The following SNX14 variants were observed in gnomAD, a reference collection of about 807,000 sequenced individuals.
The protein encoded by SNX14 is sorting nexin 14, also known as sorting nexin-14.
In SNX14, 93 loss-of-function variants were observed where a neutral mutation model predicts 133.8. The ratio of observed to expected loss-of-function variants is 0.70; its 90% CI spans 0.59 to 0.83. SNX14 has a LOEUF of 0.83. Ranked by LOEUF, SNX14 falls within the 40% of genes least tolerant of loss-of-function variation. The pLI is 0.00. For synonymous variants in SNX14, 368 were observed against 365.6 expected, an observed-to-expected ratio of 1.01 and a Z score of -0.07; for missense variants, 945 against 1,094.9, an observed-to-expected ratio of 0.86 and a Z score of 1.93.
chr6:85,508,365 ATTG>A (rs1450076715), intron 26 of SNX14: 8 of 1,039,776 alleles, frequency 7.7e-6, no homozygotes, highest in Non-Finnish European at 8.1e-6. Context: ...AATAATACTT[ATTG>A]TATTACCCCA....
chr6:85,509,358 T>C (rs1158634425), intron 26 of SNX14, among the ~76,000 whole-genome samples: 1 of 152,192 alleles, frequency 6.6e-6, no homozygotes, highest in Admixed American at 6.5e-5. Context: ...ATTTCATCAT[T>C]TGCCTACAGA....
intron 1 of SNX14, among the ~76,000 whole-genome samples, chr6:85,582,588 A>C (rs1053122421): frequency 1.3e-5 from 2 of 152,166 alleles, no homozygotes; most frequent in Non-Finnish European, 2.9e-5. Flanking sequence ...AAAAATGATA[A>C]AGGGGATATC....
At chr6:85,509,878 A>G (rs912688334) in intron 26 of SNX14, among the ~76,000 whole-genome samples, 1 of 152,140 alleles carries the variant, frequency 6.6e-6, no homozygotes, top group Non-Finnish European at 1.5e-5. Flanking sequence ...AAAACAGCAG[A>G]TAGTTGAAAA....
At chr6:85,588,417 CA>C (rs998274008) in intron 1 of SNX14, among the ~76,000 whole-genome samples, 6 of 147,960 alleles carry the variant, frequency 4.1e-5, no homozygotes, top group African/African-American at 7.4e-5. Context: ...ACTAAAAATA[CA>C]AAAAAAAAAT....
chr6:85,588,780 A>G lies in SNX14; in HGVS notation c.140+4799T>C, dbSNP rs191056865. The G allele has an allele frequency of 5.9e-4, 258 of 437,276 alleles. 3 individuals are homozygous for G. The Admixed American group carries it at 6.1e-3, about 10-fold the overall frequency. 27.1% of individuals were successfully genotyped at this position (437,276 alleles called of 1,614,324 possible). On this transcript the variant is annotated intron_variant, in intron 1 of 28. Coordinates refer to ENST00000314673, the MANE Select transcript of SNX14 (RefSeq NM_153816.6). Reference sequence around the variant, plus strand: ...TTAGTACTTATTTTGTATATGTATTATATACTGTATTCTTACAATGATGTA... The same window carrying G: ...TTAGTACTTATTTTGTATATGTATTGTATACTGTATTCTTACAATGATGTA...
intron 18 of SNX14, among the ~76,000 whole-genome samples, chr6:85,532,700 C>T (rs143300412): frequency 3.8e-3 from 573 of 152,176 alleles, no homozygotes; most frequent in Non-Finnish European, 6.2e-3. Flanking sequence ...AAAGTGGTGA[C>T]TATTTTATTT....
At chr6:85,550,671 G>T (rs1186742547) in intron 7 of SNX14, among the ~76,000 whole-genome samples, 2 of 151,916 alleles carry the variant, frequency 1.3e-5, no homozygotes, top group Non-Finnish European at 2.9e-5. Context: ...GCTAATTTTT[G>T]TATTTTTTGT....
At chr6:85,566,470 G>A (rs1201005499) in intron 5 of SNX14, among the ~76,000 whole-genome samples, 1 of 151,986 alleles carries the variant, frequency 6.6e-6, no homozygotes, top group Non-Finnish European at 1.5e-5. Flanking sequence ...GGCCGAGGTG[G>A]GTGGATCACT....
intron 1 of SNX14, among the ~76,000 whole-genome samples, chr6:85,583,364 C>T (rs1262472639): frequency 6.6e-6 from 1 of 152,192 alleles, no homozygotes; most frequent in Non-Finnish European, 1.5e-5. Context: ...CCCTCTCTCA[C>T]CACTCCTATT....
At chr6:85,539,179 A>G (rs2128045839) in intron 15 of SNX14, among the ~76,000 whole-genome samples, 1 of 152,330 alleles carries the variant, frequency 6.6e-6, no homozygotes, top group South Asian at 2.1e-4. Flanking sequence ...TTTTTTCTAC[A>G]TAATTAAAAA....
rs1785810193 is a variant in SNX14, at chr6:85,547,007, A to C, written c.1108+105T>G. Reference sequence around the variant, plus strand: ...AAAGGAAATCGAGTATATGAAATTTAGTACAATGATAGATGGGTACCACAA... The same window carrying C: ...AAAGGAAATCGAGTATATGAAATTTCGTACAATGATAGATGGGTACCACAA... On this transcript the variant is annotated intron_variant, in intron 12 of 28. Transcript: ENST00000314673. 26 of 708,294 alleles carry C rather than the reference A, an allele frequency of 3.7e-5. No individual in the cohort carries two copies. In the South Asian group the frequency reaches 5.7e-4, roughly 16 times the overall value. The allele number at this position is 708,294 out of a possible 1,614,324, so 43.9% of individuals were successfully genotyped here.
intron 7 of SNX14, among the ~76,000 whole-genome samples, chr6:85,556,196 A>G (rs1271762715): frequency 6.6e-6 from 1 of 152,098 alleles, no homozygotes; most frequent in Non-Finnish European, 1.5e-5. Context: ...CATAAAATCT[A>G]CTGATTTAAA....
intron 28 of SNX14, among the ~76,000 whole-genome samples, chr6:85,506,591 C>T (rs1770793939): frequency 6.6e-6 from 1 of 152,192 alleles, no homozygotes; most frequent in African/African-American, 2.4e-5. Context: ...GCTGGGATTA[C>T]AGGCGTGAGC....
At chr6:85,576,536 A>C (rs1797409970) in intron 1 of SNX14, among the ~76,000 whole-genome samples, 1 of 152,222 alleles carries the variant, frequency 6.6e-6, no homozygotes. Context: ...AAACTGCATG[A>C]ACTGGGGTCC....
chr6:85,590,323 T>C (rs1802408146), intron 1 of SNX14, among the ~76,000 whole-genome samples: 2 of 152,208 alleles, frequency 1.3e-5, no homozygotes, highest in African/African-American at 4.8e-5. Flanking sequence ...TTTCTCTTCC[T>C]TACTAATAAA....
At chr6:85,584,231 C>G (rs935657526) in intron 1 of SNX14, among the ~76,000 whole-genome samples, 1 of 152,144 alleles carries the variant, frequency 6.6e-6, no homozygotes, top group African/African-American at 2.4e-5. Context: ...CTCCTTACAC[C>G]TTATACAAAA....
rs570889070 is a variant in SNX14 at position 85,593,842 on chromosome 6, A to G, written c.-124T>C. 3.4e-5 allele frequency: 51 copies of G among 1,515,214 alleles called. No individual in the cohort carries two copies. The African/African-American group carries it at 6.7e-4, about 20-fold the overall frequency. 93.9% of individuals were successfully genotyped at this position (1,515,214 alleles called of 1,614,324 possible). On this transcript the variant is annotated 5_prime_UTR_variant, in exon 1 of 29. Transcript: ENST00000314673. Reference sequence around the variant, plus strand: ...CGCACACAGACGCCTACCGGCAGTTAGCCGCCGCAGGCTGAGGTCGCGTCC... The same window carrying G: ...CGCACACAGACGCCTACCGGCAGTTGGCCGCCGCAGGCTGAGGTCGCGTCC...
rs187231658 is a variant in SNX14, at chr6:85,516,063, T to C, written c.2269-1434A>G. On this transcript the variant is annotated intron_variant, in intron 23 of 28. Coordinates refer to ENST00000314673, the MANE Select transcript of SNX14 (RefSeq NM_153816.6). ...TGTATATTAACTTGTACTCTCTATA[T>C]ACATAGCCACAAATCAATGAGGTTC... Among the ~76,000 whole-genome samples the C allele has an allele frequency of 1.1e-4, 16 of 152,330 alleles. 1 individual carries two copies. The highest frequency in any genetic ancestry group is 8.5e-4 in the Admixed American group (13 of 15,308).
intron 16 of SNX14, among the ~76,000 whole-genome samples, chr6:85,538,277 T>TA (rs1782562400): frequency 6.6e-6 from 1 of 152,152 alleles, no homozygotes; most frequent in Admixed American, 6.5e-5. Flanking sequence ...GGGTTTTTTT[T>TA]AATCCAGAAT....
Sources: allele counts gnomAD v4.1 joint callset (sites outside exome capture counted in the v4.1 genomes callset), GRCh38; gene constraint gnomAD v4.1.1; transcripts MANE v1.5; gene names NCBI Gene and HGNC (gene_info 2026-07-23, HGNC 2026-07-21).